Variants in TXNDC16 observed in about 807,000 individuals in gnomAD.
TXNDC16 encodes thioredoxin domain-containing protein 16.
In TXNDC16, 74 loss-of-function variants were observed where a neutral mutation model predicts 85.6. That is an observed-to-expected ratio of 0.86 (90% CI 0.72 to 1.05). The LOEUF (loss-of-function observed/expected upper bound fraction) is 1.05, where lower values mean the gene tolerates loss of function less well. Among genes scored for constraint, TXNDC16 ranks in the 50% least tolerant of loss-of-function variants. The probability of loss-of-function intolerance (pLI) is 0.00; values close to 1 mark genes in which losing one functional copy is unlikely to be tolerated. For missense variants in TXNDC16, 959 were observed against 947.0 expected (o/e 1.01, Z -0.17); for synonymous variants, 335 against 326.5 (o/e 1.03, Z -0.28).
At position 52,524,995 on chromosome 14, in the gene TXNDC16, G is replaced by A. The variant is rs781524783; in HGVS notation, c.393-5702C>T. Among the ~76,000 whole-genome samples the A allele has an allele frequency of 3.3e-5, 5 of 152,012 alleles. No individual in the cohort carries two copies. The East Asian group carries it at 5.9e-4, about 18-fold the overall frequency. On this transcript the variant is annotated intron_variant, in intron 6 of 20. Coordinates refer to ENST00000281741, the MANE Select transcript of TXNDC16 (RefSeq NM_020784.3). ...AAATTAGCCGGGCATGGTGGCAAGC[G>A]CCTGTAATCCCAGCTACTCGTGAGG...
chr14:52,540,541 C>T (rs942817380), intron 4 of TXNDC16, among the ~76,000 whole-genome samples: 1 of 152,122 alleles, frequency 6.6e-6, no homozygotes, highest in Non-Finnish European at 1.5e-5. Context: ...AGGTGAATTG[C>T]TTGAACCCAG....
At chr14:52,480,975 GTA>G (rs141877325) in intron 14 of TXNDC16, among the ~76,000 whole-genome samples, 46,637 of 134,538 alleles carry the variant, frequency 0.35, 8,071 homozygotes, top group Non-Finnish European at 0.37. Flanking sequence ...ATATATATAT[GTA>G]TATATATATA....
chr14:52,516,963 T>G (rs2037097623), intron 7 of TXNDC16, among the ~76,000 whole-genome samples: 1 of 152,164 alleles, frequency 6.6e-6, no homozygotes, highest in Admixed American at 6.5e-5. Flanking sequence ...TCCCAGCCTC[T>G]CAGGCCTTGG....
At position 52,457,101 on chromosome 14, in the gene TXNDC16, A is replaced by C. The variant is rs764828353; in HGVS notation, c.1692T>G (p.Asp564Glu). Residue 564 changes from aspartate to glutamate, a missense_variant, in exon 17 of 21, where the codon GAT becomes GAG. Coordinates refer to ENST00000281741, the MANE Select transcript of TXNDC16 (RefSeq NM_020784.3). ...AGCAATAAACTTACAGTAGCAAAAC[A>C]TCTTCTTCAGAATAAATTCCAGTGA... ...YVITGIYSEEDVLLLSTKYAA... is the reference protein window; with the variant it reads ...YVITGIYSEEEVLLLSTKYAA... 1 of 1,580,758 alleles carries C rather than the reference A, an allele frequency of 6.3e-7. No homozygotes were observed. The highest frequency in any genetic ancestry group is 8.6e-7 in the Non-Finnish European group (1 of 1,167,002).
chr14:52,488,633 C>CA (rs1293580554), intron 11 of TXNDC16, 147 bp from the exon 12 acceptor site: 7 of 547,034 alleles, frequency 1.3e-5, no homozygotes, highest in Non-Finnish European at 1.9e-5. Context: ...GTCAGTAGTT[C>CA]GAGACCAGCC....
intron 10 of TXNDC16, among the ~76,000 whole-genome samples, 189 bp from the exon 11 acceptor site, chr14:52,490,640 T>C (rs989427259): frequency 6.6e-6 from 1 of 152,204 alleles, no homozygotes; most frequent in African/African-American, 2.4e-5. Context: ...ATCTCCATCT[T>C]TATTTAGCAA....
Position 52,520,882 on chromosome 14 carries a change from C to T in TXNDC16, c.393-1589G>A, listed in dbSNP as rs566326683. 3.3e-5 allele frequency among the ~76,000 whole-genome samples: 5 copies of T among 152,144 alleles called. No individual in the cohort carries two copies. The South Asian group carries it at 1.0e-3, about 32-fold the overall frequency. ...TTTTCCTAATACAGCAGTTCTCAAA[C>T]TTTTTGGTCTCAGGAAACTTTTATA... On this transcript the variant is annotated intron_variant, in intron 6 of 20. Transcript: ENST00000281741.
Position 52,482,880 on chromosome 14 carries a change from TTC to T in TXNDC16, c.1192_1193del (p.Glu398ArgfsTer4), listed in dbSNP as rs762359946. The T allele has an allele frequency of 6.2e-7, 1 of 1,612,568 alleles. No individual in the cohort carries two copies. Among genetic ancestry groups the T allele is most frequent in the Non-Finnish European group, 8.5e-7 (1 of 1,179,498 alleles). ...CCATCACTGTTGCATTAAATGTTTC[TTC>T]TGTTAGTTCCACTGTAAGTTCCAAA... ...LPLELTVELT[E>X]ETFNATVMAS... On this transcript the variant is annotated frameshift_variant, in exon 13 of 21. Transcript: ENST00000281741. LOFTEE classifies it high-confidence loss of function.
At chr14:52,478,305 A>C (rs1180905431) in intron 14 of TXNDC16, among the ~76,000 whole-genome samples, 2 of 152,182 alleles carry the variant, frequency 1.3e-5, no homozygotes, top group Non-Finnish European at 2.9e-5. Context: ...CGAACCCAGC[A>C]GAAGAAAGGA....
intron 14 of TXNDC16, among the ~76,000 whole-genome samples, chr14:52,473,342 A>G (rs768885337): frequency 2.2e-4 from 34 of 152,152 alleles, no homozygotes; most frequent in South Asian, 2.1e-4. Flanking sequence ...ACATCTGGTG[A>G]TGCTTGTTTA....
chr14:52,529,642 TTA>T (rs1351528612), intron 6 of TXNDC16, among the ~76,000 whole-genome samples: 46 of 104,402 alleles, frequency 4.4e-4, no homozygotes, highest in East Asian at 1.9e-3. Context: ...ATAATGCCTA[TTA>T]TATATATTAT....
At chr14:52,465,465 G>A (rs1175621935) in intron 16 of TXNDC16, among the ~76,000 whole-genome samples, 6 of 151,864 alleles carry the variant, frequency 4.0e-5, no homozygotes, top group Admixed American at 6.6e-5. Context: ...GGTGGCGGGC[G>A]CCTGTAGTCC....
At chr14:52,462,166 G>C (rs1046848521) in intron 16 of TXNDC16, among the ~76,000 whole-genome samples, 2 of 152,114 alleles carry the variant, frequency 1.3e-5, no homozygotes, top group Admixed American at 1.3e-4. Context: ...TCATTTGCTG[G>C]CTTTTAAATG....
intron 6 of TXNDC16, among the ~76,000 whole-genome samples, chr14:52,523,852 T>C (rs1566577209): frequency 6.6e-6 from 1 of 152,206 alleles, no homozygotes; most frequent in African/African-American, 2.4e-5. Context: ...AACTTCCAAA[T>C]TCATCATCCA....
intron 6 of TXNDC16, among the ~76,000 whole-genome samples, chr14:52,530,258 T>TATAATAATAATATATATATTATTATATA (rs552800699): frequency 1.7e-5 from 1 of 59,426 alleles, no homozygotes; most frequent in African/African-American, 7.0e-5. Context: ...ATATATATTA[T>TATAATAATAATATATATATTATTATATA]ATAATATATA....
chr14:52,549,866 T>C (rs1300729315), intron 1 of TXNDC16, among the ~76,000 whole-genome samples: 1 of 152,182 alleles, frequency 6.6e-6, no homozygotes. Flanking sequence ...CTTGATCTCC[T>C]GACCTCGTGA....
intron 8 of TXNDC16, among the ~76,000 whole-genome samples, chr14:52,513,469 T>C (rs758830392): frequency 2.0e-5 from 3 of 152,112 alleles, no homozygotes; most frequent in Non-Finnish European, 2.9e-5. Context: ...CACCATCTTG[T>C]TACCCATGAA....
intron 14 of TXNDC16, among the ~76,000 whole-genome samples, chr14:52,477,250 C>T (rs776396668): frequency 6.6e-5 from 10 of 151,932 alleles, no homozygotes; most frequent in Non-Finnish European, 1.3e-4. Flanking sequence ...ACAGGACCGA[C>T]AAAACAGATA....
chr14:52,479,396 T>C (rs77932281), intron 14 of TXNDC16, among the ~76,000 whole-genome samples: 2 of 152,224 alleles, frequency 1.3e-5, no homozygotes, highest in South Asian at 2.1e-4. Context: ...GGTGATATGA[T>C]TGTTTATCTA....
Sources: allele counts gnomAD v4.1 joint callset (sites outside exome capture counted in the v4.1 genomes callset), GRCh38; gene constraint gnomAD v4.1.1; transcripts MANE v1.5; gene names NCBI Gene and HGNC (gene_info 2026-07-23, HGNC 2026-07-21).